ANXA8: variants seen among roughly 807,000 people sequenced by gnomAD.
ANXA8 encodes the protein VAC-beta.
A neutral mutation model predicts 26.8 loss-of-function variants in ANXA8; 9 were observed. The ratio of observed to expected loss-of-function variants is 0.34; its 90% CI spans 0.20 to 0.59. The LOEUF (loss-of-function observed/expected upper bound fraction) is 0.59. ANXA8 is among the 20% of genes least tolerant of loss of function. The pLI is 0.84. For missense variants in ANXA8, 83 were observed against 238.5 expected (o/e 0.35, Z 4.29); for synonymous variants, 39 against 94.8 (o/e 0.41, Z 3.42).
At chr10:47,574,176 C>T in the ANXA8 span, among the ~76,000 whole-genome samples, 6 of 48,900 alleles carry the variant, frequency 1.2e-4, 1 homozygote, top group Non-Finnish European at 2.1e-4. Flanking sequence ...AGTGCACTGG[C>T]GCAATCTCAG....
the ANXA8 span, among the ~76,000 whole-genome samples, chr10:47,685,395 T>G: frequency 2.0e-5 from 3 of 150,974 alleles, no homozygotes; most frequent in Non-Finnish European, 4.4e-5. Context: ...AAACCTTGTG[T>G]TTTGTGGATC....
At chr10:47,657,270 T>C in the ANXA8 span, among the ~76,000 whole-genome samples, 3 of 151,736 alleles carry the variant, frequency 2.0e-5, no homozygotes, top group African/African-American at 7.3e-5. Context: ...TGCTATGTTG[T>C]CCAGGCCAGT....
the ANXA8 span, among the ~76,000 whole-genome samples, chr10:47,544,056 A>G: frequency 2.0e-5 from 3 of 151,490 alleles, no homozygotes; most frequent in South Asian, 6.2e-4. Context: ...AGAAGAGCAC[A>G]AAGGAAGGAA....
At chr10:47,498,594 T>C in the ANXA8 span, among the ~76,000 whole-genome samples, 4,443 of 120,366 alleles carry the variant, frequency 0.037, 3 homozygotes, top group Non-Finnish European at 0.058. Context: ...AGCAGGTCTA[T>C]ATAAACCTAC....
chr10:47,767,693 C>G, the ANXA8 span, among the ~76,000 whole-genome samples: 14 of 151,572 alleles, frequency 9.2e-5, no homozygotes, highest in Non-Finnish European at 1.6e-4. Flanking sequence ...TCAGGGATGT[C>G]CCTGTGACGC....
chr10:47,696,584 A>C, the ANXA8 span: 1 of 1,265,668 alleles, frequency 7.9e-7, no homozygotes, highest in Non-Finnish European at 1.0e-6. Flanking sequence ...ATTAGAGTTA[A>C]AATGGTTCTT....
chr10:47,985,992 G>T, the ANXA8 span: 1 of 151,142 alleles, frequency 6.6e-6, no homozygotes, highest in Non-Finnish European at 1.5e-5. Context: ...ATTCTCCTGT[G>T]AATGAATATT....
the ANXA8 span, among the ~76,000 whole-genome samples, chr10:47,966,018 C>T: frequency 1.8e-3 from 250 of 136,226 alleles, 6 homozygotes; most frequent in Admixed American, 3.4e-3. Context: ...GAGCGAAAGA[C>T]GATGGGATGT....
chr10:47,533,185 T>TCACACACACACACACACACACA, the ANXA8 span, among the ~76,000 whole-genome samples: 2 of 102,392 alleles, frequency 2.0e-5, no homozygotes, highest in African/African-American at 4.0e-5. Flanking sequence ...TAAACACACA[T>TCACACACACACACACACACACA]CACACACACA....
chr10:47,973,359 A>G, the ANXA8 span: 2 of 144,742 alleles, frequency 1.4e-5, no homozygotes, highest in African/African-American at 5.0e-5. Context: ...CCCATTTGTA[A>G]GCAGTCATGG....
the ANXA8 span, among the ~76,000 whole-genome samples, chr10:47,560,106 C>T: frequency 6.6e-6 from 1 of 151,810 alleles, no homozygotes; most frequent in African/African-American, 2.4e-5. Flanking sequence ...ATAAAATGGA[C>T]ATTCTGTTTA....
At chr10:47,945,437 G>A in the ANXA8 span, among the ~76,000 whole-genome samples, 1 of 150,960 alleles carries the variant, frequency 6.6e-6, no homozygotes, top group South Asian at 2.1e-4. Context: ...CACTGGGTAA[G>A]GGTCTCTTTG....
chr10:47,649,083 GT>G, the ANXA8 span, among the ~76,000 whole-genome samples: 2 of 131,088 alleles, frequency 1.5e-5, no homozygotes, highest in Admixed American at 1.6e-4. Flanking sequence ...TCTTTCCTTT[GT>G]TTGCAATCAA....
At chr10:47,475,097 C>T in intron 6 of ANXA8, 93 bp from the exon 7 acceptor site, 1 of 1,494,108 alleles carries the variant, frequency 6.7e-7, no homozygotes. Flanking sequence ...GCAGGCATGG[C>T]TCTGCTGCTC....
At chr10:47,755,650 A>T in the ANXA8 span, among the ~76,000 whole-genome samples, 1 of 138,932 alleles carries the variant, frequency 7.2e-6, no homozygotes, top group Non-Finnish European at 1.5e-5. Flanking sequence ...AGCTGGGATT[A>T]CAGGGGTGTG....
the ANXA8 span, among the ~76,000 whole-genome samples, chr10:47,755,208 G>A: frequency 6.6e-6 from 1 of 151,354 alleles, no homozygotes; most frequent in African/African-American, 2.4e-5. Context: ...ACCCCTCTCG[G>A]TCTCCCAAAG....
chr10:47,480,899 TCCA>T, intron 1 of ANXA8, among the ~76,000 whole-genome samples: 1 of 139,322 alleles, frequency 7.2e-6, no homozygotes, highest in Non-Finnish European at 1.6e-5. Context: ...CATCCATCCA[TCCA>T]TCCATCGAAG....
the ANXA8 span, among the ~76,000 whole-genome samples, chr10:47,503,786 T>C: frequency 7.7e-6 from 1 of 130,372 alleles, no homozygotes; most frequent in Admixed American, 7.7e-5. Flanking sequence ...AAAAAAAAAT[T>C]AGCTGGGCAT....
the ANXA8 span, among the ~76,000 whole-genome samples, chr10:47,972,446 T>C: frequency 8.0e-6 from 1 of 125,114 alleles, no homozygotes. Context: ...TCCCCTGCCT[T>C]TTCTTCACCA....
Sources: gnomAD v4.1 joint callset for allele counts (sites outside exome capture counted in the v4.1 genomes callset) on GRCh38, gnomAD v4.1.1 for gene constraint, MANE v1.5 for transcripts, NCBI Gene and HGNC (gene_info 2026-07-23, HGNC 2026-07-21) for gene names.